Variants in PSAP observed in about 807,000 individuals in gnomAD.
PSAP encodes prosaposin.
Under a neutral mutation model 66.0 loss-of-function variants are expected in PSAP, and 25 were observed. The ratio of observed to expected loss-of-function variants is 0.38; its 90% confidence interval spans 0.28 to 0.53. The LOEUF (loss-of-function observed/expected upper bound fraction) is 0.53, where lower values mean the gene tolerates loss of function less well. Among genes scored for constraint, PSAP ranks in the 20% least tolerant of loss-of-function variants. The pLI, the probability that PSAP is intolerant of heterozygous loss-of-function variation, is 0.83. For missense variants in PSAP, 649 were observed against 668.8 expected (o/e 0.97, Z 0.33); for synonymous variants, 273 against 258.9 (o/e 1.05, Z -0.52).
At chr10:71,841,840 T>C (rs1433613415) in intron 1 of PSAP, among the ~76,000 whole-genome samples, 5 of 152,212 alleles carry the variant, frequency 3.3e-5, no homozygotes, top group South Asian at 2.1e-4. Context: ...ACCTGGTCTC[T>C]ACTACATATA....
chr10:71,824,575 G>A (rs1021895477), intron 7 of PSAP, among the ~76,000 whole-genome samples: 15 of 152,182 alleles, frequency 9.9e-5, no homozygotes, highest in Admixed American at 7.9e-4. Context: ...TCCGGCCACC[G>A]GGGACCAATT....
At chr10:71,846,418 A>T (rs1475819562) in intron 1 of PSAP, among the ~76,000 whole-genome samples, 1 of 148,716 alleles carries the variant, frequency 6.7e-6, no homozygotes. Context: ...CATTGTTTTA[A>T]AGCCCTTAAA....
intron 7 of PSAP, among the ~76,000 whole-genome samples, chr10:71,823,444 A>T (rs1842343521): frequency 6.6e-6 from 1 of 152,242 alleles, no homozygotes; most frequent in Non-Finnish European, 1.5e-5. Flanking sequence ...TGTTTATGAA[A>T]AACAGCACTA....
chr10:71,820,210 G>C (rs765156320), intron 9 of PSAP, 30 bp downstream of exon 9: 1 of 1,562,242 alleles, frequency 6.4e-7, no homozygotes, highest in African/African-American at 1.4e-5. Context: ...GGGCAGGAGA[G>C]GCCCTCCCTC....
At chr10:71,831,791 G>A in intron 3 of PSAP, 55 bp downstream of exon 3, 1 of 1,536,662 alleles carries the variant, frequency 6.5e-7, no homozygotes, top group Non-Finnish European at 9.0e-7. Flanking sequence ...AGCTCTCTTA[G>A]GAACCAGTGC....
intron 5 of PSAP, 99 bp from the exon 6 acceptor site, chr10:71,828,256 G>C: frequency 7.8e-7 from 1 of 1,286,088 alleles, no homozygotes; most frequent in Non-Finnish European, 1.1e-6. Context: ...GGCACTTGCT[G>C]ACCAGTTCCT....
intron 7 of PSAP, among the ~76,000 whole-genome samples, chr10:71,823,672 C>G (rs953835044): frequency 4.6e-5 from 7 of 152,204 alleles, no homozygotes; most frequent in Non-Finnish European, 1.0e-4. Context: ...TTTACTGGAC[C>G]CCGAAGGGGA....
At chr10:71,848,911 T>TACCCG (rs1168457344) in intron 1 of PSAP, among the ~76,000 whole-genome samples, 1 of 152,204 alleles carries the variant, frequency 6.6e-6, no homozygotes. Flanking sequence ...ACCTCCCATT[T>TACCCG]ACCCGAGTGT....
chr10:71,833,408 T>C (rs1302987440), intron 2 of PSAP, among the ~76,000 whole-genome samples: 5 of 151,050 alleles, frequency 3.3e-5, no homozygotes. Context: ...CAGTGAGCCA[T>C]GATTGTGCCA....
At chr10:71,850,469 C>A (rs1842906921) in intron 1 of PSAP, among the ~76,000 whole-genome samples, 1 of 151,910 alleles carries the variant, frequency 6.6e-6, no homozygotes, top group South Asian at 2.1e-4. Context: ...CTGAACCAAA[C>A]CAACGTATTT....
At position 71,842,484 on chromosome 10, in the gene PSAP, G is replaced by A. The variant is rs558147825; in HGVS notation, c.41-7979C>T. On this transcript the variant is annotated intron_variant, in intron 1 of 13. Coordinates refer to ENST00000394936, the MANE Select transcript of PSAP (RefSeq NM_002778.4). Reference sequence around the variant, plus strand: ...TTAAATATTGATAGATACAGCCCACGTAAACACAAGCTCTTTGGGGTCCTC... The same window carrying A: ...TTAAATATTGATAGATACAGCCCACATAAACACAAGCTCTTTGGGGTCCTC... Among the ~76,000 whole-genome samples the A allele has an allele frequency of 9.2e-5, 14 of 152,240 alleles. No homozygotes were observed. In the East Asian group the frequency reaches 2.1e-3, roughly 23 times the overall value.
At chr10:71,837,701 G>A (rs1054875715) in intron 1 of PSAP, among the ~76,000 whole-genome samples, 2 of 152,218 alleles carry the variant, frequency 1.3e-5, no homozygotes, top group African/African-American at 2.4e-5. Context: ...GTGATCCCAC[G>A]CATCGGTGGG....
chr10:71,818,798 A>G, intron 12 of PSAP, 74 bp from the exon 13 acceptor site: 1 of 1,320,390 alleles, frequency 7.6e-7, no homozygotes, highest in Non-Finnish European at 1.1e-6. Flanking sequence ...AAAACTAAGA[A>G]AACAGTTTCC....
chr10:71,851,154 TC>T, intron 1 of PSAP, 27 bp downstream of exon 1: 1 of 1,550,320 alleles, frequency 6.5e-7, no homozygotes, highest in South Asian at 1.2e-5. Flanking sequence ...AGGCACCTCC[TC>T]CCCAGGATGA....
At position 71,823,773 on chromosome 10, in the gene PSAP, C is replaced by T. The variant is rs1281987367; in HGVS notation, c.778-1766G>A. ...ATTAACAGAGAGGGAGCCTGCCTCTCGTAACCATTCCTTGTATCTGTCAGA... is the reference window on the plus strand; with the variant it reads ...ATTAACAGAGAGGGAGCCTGCCTCTTGTAACCATTCCTTGTATCTGTCAGA... On this transcript the variant is annotated intron_variant, in intron 7 of 13. Transcript: ENST00000394936. 114 of 738,580 alleles carry T rather than the reference C, an allele frequency of 1.5e-4. 1 individual carries two copies. The South Asian group carries it at 1.6e-3, about 11-fold the overall frequency. The allele number at this position is 738,580 out of a possible 1,614,324, so 45.8% of individuals were successfully genotyped here.
rs371000325 is a variant in PSAP at position 71,825,656 on chromosome 10, TAACAGGGG to T, written c.777+173_777+180del. On this transcript the variant is annotated intron_variant, in intron 7 of 13. Coordinates refer to ENST00000394936, the MANE Select transcript of PSAP (RefSeq NM_002778.4). ...AAGATGCTTCAGCCTGCCTCTCCCGTAACAGGGGAGGTACTGAGATTGCAAGTGGAGAG... is the reference window on the plus strand; with the variant it reads ...AAGATGCTTCAGCCTGCCTCTCCCGTAGGTACTGAGATTGCAAGTGGAGAG... 2.4e-4 allele frequency: 169 copies of T among 701,098 alleles called. 1 individual carries two copies. In the African/African-American group the frequency reaches 2.6e-3, roughly 11 times the overall value. The allele number at this position is 701,098 out of a possible 1,614,324, so 43.4% of individuals were successfully genotyped here. A position where few individuals can be genotyped will look rare whatever the true frequency, so the allele number is the denominator to read the frequency against.
At chr10:71,847,512 C>G (rs550541348) in intron 1 of PSAP, among the ~76,000 whole-genome samples, 1 of 152,126 alleles carries the variant, frequency 6.6e-6, no homozygotes, top group South Asian at 2.1e-4. Context: ...CGCGCCACTG[C>G]ACACCAGCCT....
intron 2 of PSAP, 86 bp from the exon 3 acceptor site, chr10:71,832,006 A>T: frequency 7.7e-7 from 1 of 1,291,098 alleles, no homozygotes; most frequent in Non-Finnish European, 1.1e-6. Context: ...CCTTTTCGCT[A>T]TTCTCTCTAA....
intron 7 of PSAP, among the ~76,000 whole-genome samples, chr10:71,824,331 G>C (rs147659524): frequency 6.6e-6 from 1 of 152,322 alleles, no homozygotes; most frequent in East Asian, 1.9e-4. Context: ...CCCAAGTAAG[G>C]GGGGTAAGGG....
Sources: gnomAD v4.1 joint callset for allele counts (sites outside exome capture counted in the v4.1 genomes callset) on GRCh38, gnomAD v4.1.1 for gene constraint, MANE v1.5 for transcripts, NCBI Gene and HGNC (gene_info 2026-07-23, HGNC 2026-07-21) for gene names.